KCTD8: variants seen among roughly 807,000 people sequenced by gnomAD.
KCTD8 encodes the protein BTB/POZ domain-containing protein KCTD8.
Under a neutral mutation model 31.5 loss-of-function variants are expected in KCTD8, and 27 were observed. The observed-to-expected ratio is 0.86, with a 90% CI of 0.63 to 1.18. The LOEUF (loss-of-function observed/expected upper bound fraction) is 1.18, where lower values mean the gene tolerates loss of function less well. KCTD8 is among the 50% of genes most tolerant of loss of function. The probability of loss-of-function intolerance (pLI) is 0.00; values close to 1 mark genes in which losing one functional copy is unlikely to be tolerated. For missense variants in KCTD8, 658 were observed against 647.7 expected, an observed-to-expected ratio of 1.02 and a Z score of -0.17; for synonymous variants, 290 against 280.0, an observed-to-expected ratio of 1.04 and a Z score of -0.36.
At chr4:44,259,229 G>A (rs965788821) in intron 1 of KCTD8, among the ~76,000 whole-genome samples, 1 of 151,114 alleles carries the variant, frequency 6.6e-6, no homozygotes, top group Non-Finnish European at 1.5e-5. Context: ...TTTTCAGAGT[G>A]GCAATACATG....
rs530432208 is a variant in KCTD8, at chr4:44,185,664, T to A, written c.962-10414A>T. ...TTCTTGCCCATGCCCCTTTTAGCTA[T>A]TCTTCAAAGCCTAATCCGTATGTTG... On this transcript the variant is annotated intron_variant, in intron 1 of 1. Coordinates refer to ENST00000360029, the MANE Select transcript of KCTD8 (RefSeq NM_198353.3). Among the ~76,000 whole-genome samples, 11 of 152,324 alleles carry A rather than the reference T, an allele frequency of 7.2e-5. 2 individuals are homozygous for A. In the South Asian group the frequency reaches 2.3e-3, roughly 32 times the overall value.
At chr4:44,380,069 ATG>A (rs1658405125) in intron 1 of KCTD8, among the ~76,000 whole-genome samples, 2 of 152,046 alleles carry the variant, frequency 1.3e-5, no homozygotes, top group African/African-American at 4.8e-5. Flanking sequence ...ATAGATATAG[ATG>A]TGTTTTTTTC....
Position 44,447,620 on chromosome 4 carries a change from C to G in KCTD8, c.904G>C (p.Val302Leu). 9 of 1,605,126 alleles carry G rather than the reference C, an allele frequency of 5.6e-6. No individual in the cohort carries two copies. The highest frequency in any genetic ancestry group is 7.7e-6 in the Non-Finnish European group (9 of 1,176,172). ...ACNSSGTAAF[V>L]NQYRDDKIWS... ...ATCTTGTCGTCGCGGTACTGGTTGA[C>G]GAAGGCGGCGGTGCCCGAGGAGTTA... The change falls in exon 1 of 2, where the codon GTC (valine) becomes CTC (leucine). Residue 302 changes from valine to leucine, a missense_variant. Transcript: ENST00000360029.
intron 1 of KCTD8, among the ~76,000 whole-genome samples, chr4:44,295,338 T>C (rs768281335): frequency 1.3e-5 from 2 of 151,960 alleles, no homozygotes; most frequent in African/African-American, 2.4e-5. Flanking sequence ...CGACTATTAG[T>C]GCATCCTCTG....
At chr4:44,390,284 C>A (rs1406954543) in intron 1 of KCTD8, among the ~76,000 whole-genome samples, 1 of 152,086 alleles carries the variant, frequency 6.6e-6, no homozygotes, top group Middle Eastern at 3.4e-3. Flanking sequence ...AGATTTAAGA[C>A]CTTCACCCAT....
At chr4:44,222,305 A>G (rs925417232) in intron 1 of KCTD8, among the ~76,000 whole-genome samples, 3 of 152,220 alleles carry the variant, frequency 2.0e-5, no homozygotes, top group Non-Finnish European at 2.9e-5. Flanking sequence ...GTCAGGAAGG[A>G]AAGCTCAATG....
chr4:44,398,783 C>A (rs143534458), intron 1 of KCTD8, among the ~76,000 whole-genome samples: 2 of 152,100 alleles, frequency 1.3e-5, no homozygotes, highest in African/African-American at 4.8e-5. Flanking sequence ...GTACGGCATA[C>A]CCCACATGGA....
intron 1 of KCTD8, among the ~76,000 whole-genome samples, chr4:44,405,889 TG>T (rs1720783718): frequency 6.6e-6 from 1 of 151,210 alleles, no homozygotes; most frequent in Non-Finnish European, 1.5e-5. Flanking sequence ...CATGAGCCAT[TG>T]TTCTAAACAG....
chr4:44,295,272 G>C (rs376248024), intron 1 of KCTD8, among the ~76,000 whole-genome samples: 3 of 152,196 alleles, frequency 2.0e-5, no homozygotes, highest in South Asian at 4.1e-4. Context: ...CTCCAGCCCA[G>C]GTGACAGAAT....
intron 1 of KCTD8, among the ~76,000 whole-genome samples, chr4:44,176,998 C>T (rs1026806305): frequency 1.3e-5 from 2 of 152,112 alleles, no homozygotes; most frequent in Non-Finnish European, 2.9e-5. Context: ...TAAGGAAATA[C>T]ACCATTACAT....
intron 1 of KCTD8, among the ~76,000 whole-genome samples, chr4:44,425,843 G>A (rs1465261022): frequency 6.6e-6 from 1 of 151,926 alleles, no homozygotes; most frequent in Non-Finnish European, 1.5e-5. Flanking sequence ...GCCAGGCACA[G>A]CATCAGAGGA....
chr4:44,282,192 G>T (rs1160249167), intron 1 of KCTD8, among the ~76,000 whole-genome samples: 1 of 151,338 alleles, frequency 6.6e-6, no homozygotes, highest in Non-Finnish European at 1.5e-5. Flanking sequence ...AGACTATTGG[G>T]GTCATTTTCC....
intron 1 of KCTD8, among the ~76,000 whole-genome samples, chr4:44,204,099 A>G (rs1000442239): frequency 7.9e-5 from 12 of 152,116 alleles, no homozygotes; most frequent in African/African-American, 2.2e-4. Context: ...CAAAAATAAT[A>G]TAATTACCAC....
intron 1 of KCTD8, among the ~76,000 whole-genome samples, chr4:44,402,797 G>GAAT (rs1720697577): frequency 6.6e-6 from 1 of 152,162 alleles, no homozygotes; most frequent in South Asian, 2.1e-4. Flanking sequence ...GCTGAATTAG[G>GAAT]AATACCTTTA....
intron 1 of KCTD8, among the ~76,000 whole-genome samples, chr4:44,378,787 C>T (rs1159416375): frequency 1.3e-5 from 2 of 152,096 alleles, no homozygotes; most frequent in African/African-American, 2.4e-5. Flanking sequence ...TTATAAATTA[C>T]AATAAACTTG....
Position 44,418,204 on chromosome 4 carries a change from GA to G in KCTD8, c.961+29358del, listed in dbSNP as rs199635384. 4.6e-5 allele frequency among the ~76,000 whole-genome samples: 7 copies of G among 152,232 alleles called. No homozygotes were observed. The East Asian group carries it at 1.4e-3, about 29-fold the overall frequency. ...TATATGGCTTTAAAAGACGACAATGGAAAGAGGAAACATTAATTATGAGAGG... is the reference window on the plus strand; with the variant it reads ...TATATGGCTTTAAAAGACGACAATGGAAGAGGAAACATTAATTATGAGAGG... On this transcript the variant is annotated intron_variant, in intron 1 of 1. Transcript: ENST00000360029.
chr4:44,412,870 T>C (rs1720994764), intron 1 of KCTD8, among the ~76,000 whole-genome samples: 1 of 152,194 alleles, frequency 6.6e-6, no homozygotes, highest in South Asian at 2.1e-4. Flanking sequence ...GTAGATAATC[T>C]GCAGTTATTC....
intron 1 of KCTD8, among the ~76,000 whole-genome samples, chr4:44,224,344 A>G (rs1233639055): frequency 1.3e-5 from 2 of 152,042 alleles, no homozygotes; most frequent in Non-Finnish European, 2.9e-5. Context: ...ACTTTTTTTC[A>G]CTGTCCACCA....
chr4:44,389,943 T>C (rs1201889693), intron 1 of KCTD8, among the ~76,000 whole-genome samples: 4 of 151,786 alleles, frequency 2.6e-5, no homozygotes, highest in South Asian at 4.1e-4. Flanking sequence ...TTTTTGAGAA[T>C]TGTCTGTTCA....
Sources: allele counts gnomAD v4.1 joint callset (sites outside exome capture counted in the v4.1 genomes callset), GRCh38; gene constraint gnomAD v4.1.1; transcripts MANE v1.5; gene names NCBI Gene and HGNC (gene_info 2026-07-23, HGNC 2026-07-21).